The following TCF7L2 variants were observed in gnomAD, a reference collection of about 807,000 sequenced individuals.
The protein encoded by TCF7L2 is transcription factor 7 like 2.
In TCF7L2, 23 loss-of-function variants were observed where a neutral mutation model predicts 77.9. That is an observed-to-expected ratio of 0.30 (90% confidence interval 0.21 to 0.42). TCF7L2 has a LOEUF of 0.42. Ranked by LOEUF, TCF7L2 falls within the 10% of genes least tolerant of loss-of-function variation. TCF7L2 has a pLI of 1.00. For missense variants in TCF7L2, 654 were observed against 793.1 expected (o/e 0.82, Z 2.11); for synonymous variants, 413 against 340.2 (o/e 1.21, Z -2.36).
intron 5 of TCF7L2, chr10:113,125,581 C>T (rs1041201320): frequency 1.3e-5 from 2 of 152,072 alleles, no homozygotes; most frequent in Non-Finnish European, 2.9e-5. Flanking sequence ...ATGGATGACT[C>T]GGAGTTCAGC....
At position 113,102,111 on chromosome 10, in the gene TCF7L2, CAAAAAAAAAAAAA is replaced by C. The variant is rs139047649; in HGVS notation, c.553-39054_553-39042del. Among the ~76,000 whole-genome samples, 25 of 71,738 alleles carry C rather than the reference CAAAAAAAAAAAAA, an allele frequency of 3.5e-4. 1 individual carries two copies. The highest frequency in any genetic ancestry group is 2.9e-3 in the South Asian group (5 of 1,720). 47.1% of individuals were successfully genotyped at this position (71,738 alleles called of 152,430 possible). On this transcript the variant is annotated intron_variant, in intron 5 of 13. Transcript: ENST00000627217. ...CCTGGGTGACAGAGCGTGACTCCAT[CAAAAAAAAAAAAA>C]AAAAAAAAAAAAAAAAAAGTGAGAA... is the stretch of plus-strand genomic sequence containing the variant.
intron 4 of TCF7L2, among the ~76,000 whole-genome samples, chr10:113,039,591 T>G (rs1193608371): frequency 6.6e-6 from 1 of 152,168 alleles, no homozygotes; most frequent in Non-Finnish European, 1.5e-5. Context: ...AAACGGAGGT[T>G]GAAAAGGAGC....
chr10:112,970,446 A>T (rs938575544), intron 4 of TCF7L2, among the ~76,000 whole-genome samples: 3 of 151,644 alleles, frequency 2.0e-5, no homozygotes, highest in Non-Finnish European at 2.9e-5. Context: ...AGCCAAGGAG[A>T]GAAGAATACT....
intron 5 of TCF7L2, among the ~76,000 whole-genome samples, chr10:113,057,423 G>A (rs570677162): frequency 1.5e-4 from 23 of 152,230 alleles, no homozygotes; most frequent in African/African-American, 2.4e-4. Flanking sequence ...TGCCCTTCTC[G>A]GCCTCCCGAA....
intron 3 of TCF7L2, among the ~76,000 whole-genome samples, chr10:112,963,370 A>C (rs2035794018): frequency 6.6e-6 from 1 of 152,212 alleles, no homozygotes; most frequent in South Asian, 2.1e-4. Context: ...TCTGGATCTG[A>C]AACTCGCAGC....
At chr10:112,982,387 A>ACAGGGG (rs2040636950) in intron 4 of TCF7L2, among the ~76,000 whole-genome samples, 1 of 152,218 alleles carries the variant, frequency 6.6e-6, no homozygotes, top group African/African-American at 2.4e-5. Flanking sequence ...CTAGTCCAGT[A>ACAGGGG]CCTGGCACAT....
chr10:113,151,348 G>A lies in TCF7L2; in HGVS notation c.1001+225G>A, dbSNP rs934412755. 6.6e-6 allele frequency among the ~76,000 whole-genome samples: 1 copy of A among 152,090 alleles called. No homozygotes were observed. Among genetic ancestry groups the A allele is most frequent in the Non-Finnish European group, 1.5e-5 (1 of 68,020 alleles). ...GTTAGAACAGAACTGTTTTTTGTGT[G>A]TGTACTTGGATACACTGGGATTTGC... On this transcript the variant is annotated intron_variant, in intron 9 of 13. Coordinates refer to ENST00000627217, the MANE Select transcript of TCF7L2 (RefSeq NM_001146274.2). This position sits in a 1 kb window ranked among gnomAD's most constrained non-coding sequence, Gnocchi z 5.2.
chr10:113,064,747 G>A (rs1397337572), intron 5 of TCF7L2, among the ~76,000 whole-genome samples: 1 of 152,222 alleles, frequency 6.6e-6, no homozygotes, highest in Admixed American at 6.5e-5. Flanking sequence ...CTTCAGCCGG[G>A]TTTCTTTTTC....
chr10:113,086,773 A>AAAAAAG (rs1564875712), intron 5 of TCF7L2, among the ~76,000 whole-genome samples: 4 of 150,848 alleles, frequency 2.7e-5, no homozygotes, highest in African/African-American at 2.4e-5. Context: ...AAAAAAAAAA[A>AAAAAAG]AAACTATAGT....
chr10:113,061,346 G>A (rs1431690487), intron 5 of TCF7L2, among the ~76,000 whole-genome samples: 2 of 152,170 alleles, frequency 1.3e-5, no homozygotes, highest in East Asian at 1.9e-4. Context: ...GAGGTCCAGC[G>A]TCTGCATGGA....
At chr10:113,159,771 C>A in intron 12 of TCF7L2, 149 bp from the exon 14 acceptor site, 1 of 580,528 alleles carries the variant, frequency 1.7e-6, no homozygotes, top group Non-Finnish European at 3.1e-6. Flanking sequence ...AATTAGTAAC[C>A]AGGTCATTGA....
intron 4 of TCF7L2, among the ~76,000 whole-genome samples, chr10:113,015,994 C>T (rs748522596): frequency 2.0e-5 from 3 of 151,732 alleles, no homozygotes; most frequent in African/African-American, 4.8e-5. Context: ...CTGAGGGTAA[C>T]GCAGTAATAA....
At chr10:113,107,417 A>G (rs1419741698) in intron 5 of TCF7L2, among the ~76,000 whole-genome samples, 5 of 152,000 alleles carry the variant, frequency 3.3e-5, no homozygotes, top group Non-Finnish European at 5.9e-5. Context: ...GTTGACTGAT[A>G]CCCAAGCCTT....
chr10:113,105,885 T>C (rs2062239814), intron 5 of TCF7L2, among the ~76,000 whole-genome samples: 1 of 152,202 alleles, frequency 6.6e-6, no homozygotes, highest in Non-Finnish European at 1.5e-5. Context: ...TGTTTGTAAT[T>C]AGTATCCTGA....
intron 13 of TCF7L2, chr10:113,161,706 T>G: frequency 2.3e-6 from 3 of 1,281,138 alleles, no homozygotes; most frequent in Non-Finnish European, 3.3e-6. Context: ...TGTTTAGACG[T>G]TAGATCAGAT....
At chr10:113,126,160 T>C (rs1044767766) in intron 5 of TCF7L2, 3 of 152,106 alleles carry the variant, frequency 2.0e-5, no homozygotes, top group African/African-American at 4.8e-5. Flanking sequence ...TAAATTGTTC[T>C]GAATTCTTTT....
chr10:113,036,104 CATCATCATCACCATCATCAT>C (rs1206139651), intron 4 of TCF7L2, among the ~76,000 whole-genome samples: 2 of 131,082 alleles, frequency 1.5e-5, no homozygotes, highest in African/African-American at 2.9e-5. Flanking sequence ...GCCATATCAT[CATCATCATCACCATCATCAT>C]CATCATCATC....
intron 3 of TCF7L2, among the ~76,000 whole-genome samples, chr10:112,957,311 A>C (rs2033926177): frequency 6.9e-6 from 1 of 144,966 alleles, no homozygotes; most frequent in Non-Finnish European, 1.5e-5. Context: ...TGTTCCCCTG[A>C]GTGGAAGGGA....
At chr10:113,130,752 AATT>A (rs147371098) in intron 5 of TCF7L2, among the ~76,000 whole-genome samples, 33 of 148,908 alleles carry the variant, frequency 2.2e-4, no homozygotes, top group Admixed American at 8.7e-4. Context: ...CTTTTTAAAA[AATT>A]ATTATTATTA....
Sources: gnomAD v4.1 joint callset for allele counts (sites outside exome capture counted in the v4.1 genomes callset) on GRCh38, gnomAD v4.1.1 for gene constraint, Gnocchi (gnomAD v3.1) non-coding constraint, MANE v1.5 for transcripts, NCBI Gene and HGNC (gene_info 2026-07-23, HGNC 2026-07-21) for gene names.